Variants in MYO1B observed in about 807,000 individuals in gnomAD.
MYO1B encodes the protein myosin IB, also known as unconventional myosin-Ib.
MYO1B carries 72 observed loss-of-function variants against 159.7 expected under a neutral mutation model. That is an observed-to-expected ratio of 0.45 (90% confidence interval 0.37 to 0.55). The LOEUF is 0.55. Ranked by LOEUF, MYO1B falls within the 20% of genes least tolerant of loss-of-function variation. The pLI is 0.00. For missense variants in MYO1B, 1,062 were observed against 1,364.8 expected (o/e 0.78, Z 3.50); for synonymous variants, 468 against 473.8 (o/e 0.99, Z 0.16).
chr2:191,321,077 A>T (rs1690680396), intron 3 of MYO1B, among the ~76,000 whole-genome samples: 1 of 152,182 alleles, frequency 6.6e-6, no homozygotes. Flanking sequence ...TTAACCAAGC[A>T]GTCTAACTGT....
At chr2:191,250,518 T>C (rs1686045156) in intron 1 of MYO1B, among the ~76,000 whole-genome samples, 1 of 152,208 alleles carries the variant, frequency 6.6e-6, no homozygotes, top group Admixed American at 6.5e-5. Flanking sequence ...ACTAAGGCTG[T>C]TAATAGACTT....
At chr2:191,348,647 G>A (rs534269568) in intron 6 of MYO1B, among the ~76,000 whole-genome samples, 2 of 151,950 alleles carry the variant, frequency 1.3e-5, no homozygotes, top group African/African-American at 4.8e-5. Flanking sequence ...GTGACTCTCC[G>A]GGTAGCTCTC....
At chr2:191,405,353 A>T (rs1367860317) in intron 24 of MYO1B, among the ~76,000 whole-genome samples, 1 of 152,216 alleles carries the variant, frequency 6.6e-6, no homozygotes, top group African/African-American at 2.4e-5. Flanking sequence ...CAAGTCATCC[A>T]TGAGAGTTGG....
chr2:191,333,337 T>C (rs1691614450), intron 4 of MYO1B, among the ~76,000 whole-genome samples: 2 of 152,318 alleles, frequency 1.3e-5, no homozygotes, highest in African/African-American at 4.8e-5. Context: ...ATGTACAAAA[T>C]GGAACTCTTG....
intron 21 of MYO1B, among the ~76,000 whole-genome samples, chr2:191,399,090 C>G (rs1051168705): frequency 3.3e-5 from 5 of 152,186 alleles, no homozygotes; most frequent in African/African-American, 1.2e-4. Flanking sequence ...ACAGCAAAAC[C>G]CCGTCTCCAC....
intron 5 of MYO1B, among the ~76,000 whole-genome samples, chr2:191,342,906 C>CA (rs111813322): frequency 0.069 from 10,008 of 145,712 alleles, 1,045 homozygotes; most frequent in African/African-American, 0.23. Context: ...GACTCTGTCT[C>CA]AAAAAAAAAA....
chr2:191,333,913 T>C (rs2125927739), intron 4 of MYO1B, among the ~76,000 whole-genome samples: 1 of 152,342 alleles, frequency 6.6e-6, no homozygotes, highest in Non-Finnish European at 1.5e-5. Flanking sequence ...TTAGAAACTC[T>C]GTTCCTTGCT....
chr2:191,387,177 T>A, intron 16 of MYO1B, 47 bp from the exon 17 acceptor site: 1 of 1,552,956 alleles, frequency 6.4e-7, no homozygotes, highest in Non-Finnish European at 8.8e-7. Context: ...TGTTTGACAT[T>A]ATAGCATGCA....
Position 191,393,192 on chromosome 2 carries a change from T to G in MYO1B, c.2196T>G (p.Ile732Met). 1 of 1,614,062 alleles carries G rather than the reference T, an allele frequency of 6.2e-7. No individual in the cohort carries two copies. The highest frequency in any genetic ancestry group is 2.2e-5 in the East Asian group (1 of 44,882). The stretch of plus-strand genomic sequence containing the variant: ...TCCTGCTAATGAAAAAAAGCCAAAT[T>G]GTGATTGCCGCCTGGTACAGGAGAT... Reference protein sequence around the residue: ...THFLLMKKSQIVIAAWYRRYA... With the variant: ...THFLLMKKSQMVIAAWYRRYA... Residue 732 changes from isoleucine to methionine, a missense_variant, in exon 20 of 31, where the codon ATT becomes ATG. Ile to Met is a conservative substitution (Grantham distance 10). This residue lies in a region of MYO1B where 609 missense variants were observed against 744.4 expected (regional missense o/e 0.82). Transcript: ENST00000392318.
intron 3 of MYO1B, among the ~76,000 whole-genome samples, chr2:191,308,176 G>A (rs888379625): frequency 6.6e-6 from 1 of 152,136 alleles, no homozygotes; most frequent in Non-Finnish European, 1.5e-5. Context: ...ATGGGCGAAA[G>A]GGACTTGTTA....
chr2:191,385,744 T>C, intron 15 of MYO1B, 140 bp from the exon 16 acceptor site: 2 of 875,920 alleles, frequency 2.3e-6, no homozygotes, highest in Admixed American at 4.8e-5. Context: ...TTTGTTATTG[T>C]TTTGAGTCTC....
At chr2:191,379,502 G>T (rs1370059227) in intron 13 of MYO1B, among the ~76,000 whole-genome samples, 2 of 152,180 alleles carry the variant, frequency 1.3e-5, no homozygotes, top group African/African-American at 2.4e-5. Context: ...ATCTGCTTGT[G>T]TGTATTTCAT....
At chr2:191,373,144 C>G (rs774416175) in intron 13 of MYO1B, among the ~76,000 whole-genome samples, 1 of 152,114 alleles carries the variant, frequency 6.6e-6, no homozygotes, top group Non-Finnish European at 1.5e-5. Context: ...GCCACCGCGC[C>G]GGCCTGGCTG....
At position 191,396,506 on chromosome 2, in the gene MYO1B, A is replaced by G. The variant is rs1696081670; in HGVS notation, c.2295+9A>G. ...ATATCCGGGGTTGGAAGGTGAGTTTAAAAGAAGTATGCTTTATTTATTTTG... is the reference window on the plus strand; with the variant it reads ...ATATCCGGGGTTGGAAGGTGAGTTTGAAAGAAGTATGCTTTATTTATTTTG... On this transcript the variant is annotated intron_variant, in intron 21 of 30. Coordinates refer to ENST00000392318, the MANE Select transcript of MYO1B (RefSeq NM_001130158.3). 1.2e-6 allele frequency: 2 copies of G among 1,613,796 alleles called. No homozygotes were observed. The highest frequency in any genetic ancestry group is 1.7e-6 in the Non-Finnish European group (2 of 1,179,698).
At chr2:191,311,919 G>A (rs1223442831) in intron 3 of MYO1B, among the ~76,000 whole-genome samples, 2 of 152,062 alleles carry the variant, frequency 1.3e-5, no homozygotes, top group East Asian at 3.9e-4. Flanking sequence ...AGTAGAAAAT[G>A]ATATATAACA....
At chr2:191,257,810 A>T (rs557400918) in intron 1 of MYO1B, among the ~76,000 whole-genome samples, 226 of 152,334 alleles carry the variant, frequency 1.5e-3, no homozygotes, top group Admixed American at 3.5e-3. Context: ...AATCTAGTGG[A>T]GGACATTTAA....
In MYO1B at chr2:191,285,772, C is replaced by T. The variant is rs138953162; in HGVS notation, c.135+8742C>T. ...GGAGAAGCAGAGACATGGGCAGGGG[C>T]GAGGCTCATTGATACCAGAACTGGA... On this transcript the variant is annotated intron_variant, in intron 2 of 30. Transcript: ENST00000392318. Among the ~76,000 whole-genome samples, 514 of 152,120 alleles carry T rather than the reference C, an allele frequency of 3.4e-3. 1 individual carries two copies. The highest frequency in any genetic ancestry group is 0.012 in the African/African-American group (492 of 41,486).
chr2:191,377,370 T>C (rs1196005041), intron 13 of MYO1B, among the ~76,000 whole-genome samples: 1 of 152,148 alleles, frequency 6.6e-6, no homozygotes, highest in East Asian at 1.9e-4. Context: ...AATTGCATAC[T>C]TGGAGCATGG....
chr2:191,415,218 A>ACTT (rs1697487025), intron 29 of MYO1B, among the ~76,000 whole-genome samples: 1 of 152,178 alleles, frequency 6.6e-6, no homozygotes, highest in Non-Finnish European at 1.5e-5. Flanking sequence ...AAGAGTGCCT[A>ACTT]CTTCATAGCA....
Sources: gnomAD v4.1 joint callset for allele counts (sites outside exome capture counted in the v4.1 genomes callset) on GRCh38, gnomAD v4.1.1 for gene constraint, gnomAD v4.1.1 regional missense constraint, MANE v1.5 for transcripts, NCBI Gene and HGNC (gene_info 2026-07-23, HGNC 2026-07-21) for gene names.